RANBP17: variants seen among roughly 807,000 people sequenced by gnomAD.
RANBP17 encodes ran-binding protein 17.
A neutral mutation model predicts 141.2 loss-of-function variants in RANBP17; 158 were observed. The ratio of observed to expected loss-of-function variants is 1.12; its 90% confidence interval spans 0.98 to 1.28. The LOEUF (loss-of-function observed/expected upper bound fraction) is 1.28, where lower values mean the gene tolerates loss of function less well. Among genes scored for constraint, RANBP17 ranks in the 50% most tolerant of loss-of-function variants. The probability of loss-of-function intolerance (pLI) is 0.00; values close to 1 mark genes in which losing one functional copy is unlikely to be tolerated. For synonymous variants in RANBP17, 430 were observed against 450.0 expected (o/e 0.96, Z 0.56); for missense variants, 1,438 against 1,290.7 (o/e 1.11, Z -1.75).
At chr5:170,884,394 G>A (rs1768973871) in intron 3 of RANBP17, among the ~76,000 whole-genome samples, 3 of 152,096 alleles carry the variant, frequency 2.0e-5, no homozygotes, top group African/African-American at 4.8e-5. Context: ...TCCATATTTT[G>A]TATGTTATAT....
intron 14 of RANBP17, among the ~76,000 whole-genome samples, chr5:171,127,909 C>T (rs1159588715): frequency 1.3e-5 from 2 of 152,080 alleles, no homozygotes; most frequent in African/African-American, 4.8e-5. Context: ...GCCTGTAATC[C>T]CAGCACTTTG....
At chr5:171,279,765 A>G (rs865954262) in intron 25 of RANBP17, among the ~76,000 whole-genome samples, 1 of 152,076 alleles carries the variant, frequency 6.6e-6, no homozygotes. Flanking sequence ...TCCTGCAGTG[A>G]CTGTATGAGA....
At chr5:171,165,393 G>T (rs1476115160) in intron 14 of RANBP17, among the ~76,000 whole-genome samples, 1 of 152,042 alleles carries the variant, frequency 6.6e-6, no homozygotes. Flanking sequence ...GCCCAGGCTG[G>T]TCTCGAACTC....
intron 14 of RANBP17, among the ~76,000 whole-genome samples, chr5:171,106,345 G>T (rs1215571818): frequency 6.6e-6 from 1 of 152,130 alleles, no homozygotes; most frequent in South Asian, 2.1e-4. Flanking sequence ...TAGATGGAAG[G>T]TAGGAGGGGA....
intron 14 of RANBP17, among the ~76,000 whole-genome samples, chr5:171,141,536 G>C (rs1421312660): frequency 1.4e-5 from 2 of 147,496 alleles, no homozygotes; most frequent in African/African-American, 5.0e-5. Context: ...GAACCTGGGA[G>C]GTGGAGTTTG....
intron 12 of RANBP17, among the ~76,000 whole-genome samples, chr5:170,930,670 C>T (rs992988248): frequency 1.4e-4 from 21 of 152,034 alleles, no homozygotes; most frequent in African/African-American, 4.6e-4. Context: ...GTTTGGTTTT[C>T]TGTCCTTGGG....
At position 170,916,580 on chromosome 5, in the gene RANBP17, C is replaced by G. The variant is rs150264798; in HGVS notation, c.950C>G (p.Pro317Arg). Residue 317 changes from proline to arginine, a missense_variant, in exon 9 of 28, where the codon CCT becomes CGT. Transcript: ENST00000523189. Reference sequence around the variant, plus strand: ...GGAGTAAAAAGGATACTTGAAAACCCTCAGGTATTTATGAAGTAATTTAAT... The same window carrying G: ...GGAGTAAAAAGGATACTTGAAAACCGTCAGGTATTTATGAAGTAATTTAAT... ...IKGVKRILEN[P>R]QGLSDPGNYH... The G allele has an allele frequency of 1.1e-4, 176 of 1,545,502 alleles. No homozygotes were observed. Among genetic ancestry groups the G allele is most frequent in the Non-Finnish European group, 1.5e-4 (168 of 1,138,272 alleles).
intron 25 of RANBP17, among the ~76,000 whole-genome samples, chr5:171,272,666 A>G (rs935016523): frequency 2.0e-5 from 3 of 152,200 alleles, no homozygotes; most frequent in African/African-American, 4.8e-5. Flanking sequence ...AATCTAAAGT[A>G]TGTATGTTTT....
At chr5:170,938,686 A>G (rs1774084027) in intron 12 of RANBP17, among the ~76,000 whole-genome samples, 1 of 152,194 alleles carries the variant, frequency 6.6e-6, no homozygotes, top group South Asian at 2.1e-4. Flanking sequence ...AATTTCATGG[A>G]TGTGTTAAAC....
intron 14 of RANBP17, among the ~76,000 whole-genome samples, chr5:171,106,699 A>G (rs1169467336): frequency 6.6e-6 from 1 of 152,196 alleles, no homozygotes; most frequent in Non-Finnish European, 1.5e-5. Context: ...ATGGTTCTCA[A>G]TACTGGTTTT....
At position 171,215,665 on chromosome 5, in the gene RANBP17, C is replaced by CT. The variant is rs573773399; in HGVS notation, c.2339+1935dup. Among the ~76,000 whole-genome samples the CT allele has an allele frequency of 7.9e-5, 12 of 152,022 alleles. No homozygotes were observed. In the East Asian group the frequency reaches 1.9e-3, roughly 25 times the overall value. On this transcript the variant is annotated intron_variant, in intron 21 of 27. Transcript: ENST00000523189. The stretch of plus-strand genomic sequence containing the variant: ...TTCTCTAATGACTAGTGATGATGAG[C>CT]TTTTTTTTCACATACTTGTTGGCCA...
chr5:170,885,340 G>T (rs528575283), intron 3 of RANBP17, among the ~76,000 whole-genome samples: 2 of 152,168 alleles, frequency 1.3e-5, no homozygotes, highest in South Asian at 4.2e-4. Context: ...CTCATTTTGG[G>T]GTAATATCAT....
At chr5:171,089,839 C>G (rs1786086987) in intron 14 of RANBP17, among the ~76,000 whole-genome samples, 2 of 152,234 alleles carry the variant, frequency 1.3e-5, no homozygotes, top group Admixed American at 6.5e-5. Flanking sequence ...CGTGCACCCA[C>G]TGGCCTGCGC....
At chr5:170,881,965 T>G in intron 3 of RANBP17, 69 bp downstream of exon 3, 1 of 992,660 alleles carries the variant, frequency 1.0e-6, no homozygotes, top group Non-Finnish European at 1.5e-6. Context: ...TATACTAAAC[T>G]GTTACTAGGA....
intron 22 of RANBP17, among the ~76,000 whole-genome samples, chr5:171,222,551 G>A (rs1763630053): frequency 6.6e-6 from 1 of 152,142 alleles, no homozygotes; most frequent in Admixed American, 6.6e-5. Context: ...ATGTTTCCCT[G>A]TGTCCTTTTT....
At chr5:171,071,204 T>C (rs1784615924) in intron 14 of RANBP17, among the ~76,000 whole-genome samples, 1 of 152,104 alleles carries the variant, frequency 6.6e-6, no homozygotes, top group African/African-American at 2.4e-5. Flanking sequence ...TAACTGGAGG[T>C]ATCTTACTTT....
At position 170,865,930 on chromosome 5, in the gene RANBP17, A is replaced by G. The variant is rs1309224019; in HGVS notation, c.18+3879A>G. Reference sequence around the variant, plus strand: ...ACTAAGCTTCTGTTGGCCTCAGGACATGTTGTGCTCCCTGCATCAATATAT... The same window carrying G: ...ACTAAGCTTCTGTTGGCCTCAGGACGTGTTGTGCTCCCTGCATCAATATAT... On this transcript the variant is annotated intron_variant, in intron 1 of 27. Transcript: ENST00000523189. Among the ~76,000 whole-genome samples, 3 of 152,210 alleles carry G rather than the reference A, an allele frequency of 2.0e-5. 1 individual carries two copies. Among genetic ancestry groups the G allele is most frequent in the South Asian group, 4.1e-4 (2 of 4,834 alleles).
chr5:171,148,498 A>G (rs2127827238), intron 14 of RANBP17, among the ~76,000 whole-genome samples: 1 of 152,334 alleles, frequency 6.6e-6, no homozygotes, highest in African/African-American at 2.4e-5. Flanking sequence ...TTTTGATAGT[A>G]TAAATGAATA....
chr5:171,221,197 T>C (rs1447505041), intron 21 of RANBP17, among the ~76,000 whole-genome samples: 1 of 152,202 alleles, frequency 6.6e-6, no homozygotes, highest in Non-Finnish European at 1.5e-5. Flanking sequence ...GGTGAACTTA[T>C]GAGATTTGTT....
Sources: gnomAD v4.1 joint callset for allele counts (sites outside exome capture counted in the v4.1 genomes callset) on GRCh38, gnomAD v4.1.1 for gene constraint, MANE v1.5 for transcripts, NCBI Gene and HGNC (gene_info 2026-07-23, HGNC 2026-07-21) for gene names.